Variants in ZFHX3 observed in about 807,000 individuals in gnomAD.
ZFHX3 encodes zinc finger homeobox protein 3.
ZFHX3 carries 42 observed loss-of-function variants against 279.1 expected under a neutral mutation model. The ratio of observed to expected loss-of-function variants is 0.15; its 90% CI spans 0.12 to 0.19. The LOEUF (loss-of-function observed/expected upper bound fraction) is 0.19. Among genes scored for constraint, ZFHX3 ranks in the 10% least tolerant of loss-of-function variants. The pLI is 1.00. For synonymous variants in ZFHX3, 2,293 were observed against 1,957.8 expected, an observed-to-expected ratio of 1.17 and a Z score of -4.52; for missense variants, 4,981 against 4,754.0, an observed-to-expected ratio of 1.05 and a Z score of -1.40.
At chr16:73,184,734 G>C (rs1211773681) in intron 5 of ZFHX3, among the ~76,000 whole-genome samples, 1 of 152,144 alleles carries the variant, frequency 6.6e-6, no homozygotes, top group African/African-American at 2.4e-5. Context: ...GGATGAGGAG[G>C]CCCAAGGATT....
At chr16:72,876,745 T>C (rs896739866) in intron 4 of ZFHX3, among the ~76,000 whole-genome samples, 6 of 152,066 alleles carry the variant, frequency 3.9e-5, no homozygotes, top group African/African-American at 1.2e-4. Flanking sequence ...TCAATTTTTT[T>C]CCCCCCTAAA....
chr16:72,795,290 G>A lies in ZFHX3; in HGVS notation c.7392C>T (p.Thr2464=). 1.9e-6 allele frequency: 3 copies of A among 1,613,832 alleles called. No homozygotes were observed. The highest frequency in any genetic ancestry group is 1.7e-4 in the Middle Eastern group (1 of 6,060). Residue 2464 remains threonine (T), a synonymous_variant, in exon 9 of 10, where the codon ACC becomes ACT. Coordinates refer to ENST00000268489, the MANE Select transcript of ZFHX3 (RefSeq NM_006885.4). The part of the protein sequence containing the change: ...LQQQEQPEQK[T]NTPQQKLPQL... ...GGGGGAGCTTCTGCTGGGGAGTGTT[G>A]GTCTTCTGCTCGGGCTGCTCTTGCT...
At chr16:73,562,440 A>C (rs182946433) in intron 2 of ZFHX3, among the ~76,000 whole-genome samples, 1 of 152,074 alleles carries the variant, frequency 6.6e-6, no homozygotes, top group Admixed American at 6.5e-5. Context: ...CTAAAAATAC[A>C]TAAAAATTAG....
At chr16:73,173,819 C>T (rs779716780) in intron 5 of ZFHX3, among the ~76,000 whole-genome samples, 1 of 152,180 alleles carries the variant, frequency 6.6e-6, no homozygotes. Context: ...AGTGGGGGCG[C>T]AGGGCAGTTG....
At chr16:73,697,863 T>G (rs1394897966) in intron 1 of ZFHX3, among the ~76,000 whole-genome samples, 1 of 152,232 alleles carries the variant, frequency 6.6e-6, no homozygotes, top group African/African-American at 2.4e-5. Flanking sequence ...TTCCAAGCTC[T>G]GTTTGTGGAA....
intron 3 of ZFHX3, among the ~76,000 whole-genome samples, chr16:73,321,224 C>A (rs913537181): frequency 1.3e-5 from 2 of 152,250 alleles, no homozygotes; most frequent in Non-Finnish European, 2.9e-5. Flanking sequence ...TCCTATGATA[C>A]GCTCTGGCTT....
intron 1 of ZFHX3, among the ~76,000 whole-genome samples, chr16:73,814,526 G>T (rs1960511463): frequency 6.6e-6 from 1 of 150,870 alleles, no homozygotes; most frequent in African/African-American, 2.4e-5. Context: ...CGTGATAGTT[G>T]TTTAAGAAAG....
chr16:72,820,019 A>G (rs1454517869), intron 5 of ZFHX3, among the ~76,000 whole-genome samples: 1 of 152,202 alleles, frequency 6.6e-6, no homozygotes, highest in Non-Finnish European at 1.5e-5. Context: ...TCCCTCGGTC[A>G]GGCACCTGCA....
In ZFHX3 at chr16:73,850,361, A is replaced by G. The variant is rs190248932; in HGVS notation, c.-1608+41290T>C. Reference sequence around the variant, plus strand: ...GGGAACAGAGAAAATACTTAATACAATGGTCATTATTTTTAAAGTTAGGCT... The same window carrying G: ...GGGAACAGAGAAAATACTTAATACAGTGGTCATTATTTTTAAAGTTAGGCT... On this transcript the variant is annotated intron_variant, in intron 1 of 17. Transcript: ENST00000641206. Among the ~76,000 whole-genome samples the G allele has an allele frequency of 4.4e-4, 67 of 152,264 alleles. 1 individual carries two copies. The highest frequency in any genetic ancestry group is 1.6e-3 in the African/African-American group (65 of 41,566).
At chr16:73,551,522 C>T (rs1411447509) in intron 2 of ZFHX3, among the ~76,000 whole-genome samples, 1 of 152,196 alleles carries the variant, frequency 6.6e-6, no homozygotes, top group Non-Finnish European at 1.5e-5. Flanking sequence ...TGTAGTCACT[C>T]TCAGGTTCTC....
At chr16:73,718,170 G>C (rs2053434489) in intron 1 of ZFHX3, among the ~76,000 whole-genome samples, 1 of 152,152 alleles carries the variant, frequency 6.6e-6, no homozygotes. Flanking sequence ...CAACACTTTG[G>C]GAAGCCAAAG....
chr16:73,154,481 G>A (rs779323259), intron 5 of ZFHX3, among the ~76,000 whole-genome samples: 2 of 152,070 alleles, frequency 1.3e-5, no homozygotes, highest in Non-Finnish European at 2.9e-5. Flanking sequence ...ATCCTTGCAG[G>A]TCTGTCACTC....
chr16:73,207,727 T>C (rs990327409), intron 5 of ZFHX3, among the ~76,000 whole-genome samples: 6 of 152,090 alleles, frequency 3.9e-5, no homozygotes, highest in African/African-American at 1.4e-4. Flanking sequence ...GTCCATTAAG[T>C]TACTTGGGAA....
At chr16:73,267,762 C>T (rs886399102) in intron 4 of ZFHX3, among the ~76,000 whole-genome samples, 1 of 152,186 alleles carries the variant, frequency 6.6e-6, no homozygotes, top group African/African-American at 2.4e-5. Context: ...CCAGTAGATT[C>T]TCAAAGACTC....
At chr16:73,145,268 G>T (rs550082638) in intron 5 of ZFHX3, among the ~76,000 whole-genome samples, 1 of 152,308 alleles carries the variant, frequency 6.6e-6, no homozygotes, top group African/African-American at 2.4e-5. Context: ...CCAGCAGGTC[G>T]GGCCACCTCA....
intron 1 of ZFHX3, among the ~76,000 whole-genome samples, chr16:73,849,600 C>T (rs539554521): frequency 6.8e-4 from 103 of 152,304 alleles, no homozygotes; most frequent in African/African-American, 2.4e-3. Context: ...TTGTTGATCA[C>T]GGTTATTCAA....
chr16:73,504,785 T>G (rs1263002224), intron 2 of ZFHX3: 1 of 151,134 alleles, frequency 6.6e-6, no homozygotes, highest in African/African-American at 2.4e-5. Flanking sequence ...TGTCATTCCG[T>G]GGAGATTGGC....
intron 2 of ZFHX3, among the ~76,000 whole-genome samples, chr16:73,618,793 C>T (rs866204354): frequency 2.4e-4 from 37 of 152,310 alleles, no homozygotes; most frequent in Middle Eastern, 3.4e-3. Flanking sequence ...CATGTTAGAT[C>T]TTTGGTACCA....
Position 72,947,994 on chromosome 16 carries a change from C to T in ZFHX3, c.3216+2475G>A, listed in dbSNP as rs7195839. On this transcript the variant is annotated intron_variant, in intron 3 of 9. Coordinates refer to ENST00000268489, the MANE Select transcript of ZFHX3 (RefSeq NM_006885.4). ...TCCCCACCCCAAATCCGTGGAATGA[C>T]GAAACCTTGAGAGGGAGCCTTCCTT... Among the ~76,000 whole-genome samples, 948 of 152,296 alleles carry T rather than the reference C, an allele frequency of 6.2e-3. 5 individuals carry two copies. Among genetic ancestry groups the T allele is most frequent in the African/African-American group, 0.021 (860 of 41,572 alleles).
Sources: gnomAD v4.1 joint callset for allele counts (sites outside exome capture counted in the v4.1 genomes callset) on GRCh38, gnomAD v4.1.1 for gene constraint, MANE v1.5 for transcripts, NCBI Gene and HGNC (gene_info 2026-07-23, HGNC 2026-07-21) for gene names.